Variants in FBLN1 observed in about 807,000 individuals in gnomAD.
FBLN1 encodes the protein fibulin-1.
A neutral mutation model predicts 89.7 loss-of-function variants in FBLN1; 34 were observed. The observed-to-expected ratio is 0.38, with a 90% CI of 0.29 to 0.50. FBLN1 has a LOEUF of 0.50. Among genes scored for constraint, FBLN1 ranks in the 20% least tolerant of loss-of-function variants. The probability of loss-of-function intolerance (pLI) is 0.92; values close to 1 mark genes in which losing one functional copy is unlikely to be tolerated. For synonymous variants in FBLN1, 393 were observed against 391.3 expected, an observed-to-expected ratio of 1.00 and a Z score of -0.05; for missense variants, 777 against 988.1, an observed-to-expected ratio of 0.79 and a Z score of 2.86.
At chr22:45,508,599 T>G (rs1312099348) in intron 1 of FBLN1, among the ~76,000 whole-genome samples, 1 of 152,102 alleles carries the variant, frequency 6.6e-6, no homozygotes, top group Non-Finnish European at 1.5e-5. Context: ...TCTTTAAGTC[T>G]AGTTCAGGGG....
At position 45,547,186 on chromosome 22, in the gene FBLN1, G is replaced by A; in HGVS notation, c.1423G>A (p.Asp475Asn). Residue 475 changes from aspartate (D) to asparagine (N), a missense_variant, in exon 12 of 17, where the codon GAT becomes AAT. Asp to Asn is a conservative substitution (Grantham distance 23, BLOSUM62 1). Coordinates refer to ENST00000327858, the MANE Select transcript of FBLN1 (RefSeq NM_006486.3). ...GCGAGGCTACCAGCTCAGCGATGTG[G>A]ATGGAGTCACCTGTGAAGGTGCGGA... ...CRRGYQLSDV[D>N]GVTCEDIDEC... The A allele has an allele frequency of 6.2e-7, 1 of 1,614,034 alleles. No individual in the cohort carries two copies. The highest frequency in any genetic ancestry group is 8.5e-7 in the Non-Finnish European group (1 of 1,180,022).
At chr22:45,547,397 T>G (rs1270546533) in intron 12 of FBLN1, among the ~76,000 whole-genome samples, 193 bp downstream of exon 12, 9 of 139,614 alleles carry the variant, frequency 6.4e-5, no homozygotes, top group South Asian at 2.5e-4. Context: ...TTTTTTTTTT[T>G]TTTTTTTTTT....
chr22:45,506,296 C>T (rs2088019984), intron 1 of FBLN1, among the ~76,000 whole-genome samples: 1 of 152,254 alleles, frequency 6.6e-6, no homozygotes, highest in Non-Finnish European at 1.5e-5. Flanking sequence ...CAGCCAGGCG[C>T]TGAGCAGAAG....
At chr22:45,504,438 G>T (rs2087990543) in intron 1 of FBLN1, among the ~76,000 whole-genome samples, 1 of 152,122 alleles carries the variant, frequency 6.6e-6, no homozygotes, top group South Asian at 2.1e-4. Context: ...AAGAGATGGA[G>T]CTTGATGTAA....
At chr22:45,512,103 G>C (rs574353840) in intron 1 of FBLN1, among the ~76,000 whole-genome samples, 1 of 151,860 alleles carries the variant, frequency 6.6e-6, no homozygotes, top group East Asian at 2.0e-4. Flanking sequence ...TGTTCTGCTT[G>C]GGTGGGTGTC....
At chr22:45,521,654 A>G (rs761505852) in intron 2 of FBLN1, among the ~76,000 whole-genome samples, 2 of 152,172 alleles carry the variant, frequency 1.3e-5, no homozygotes, top group African/African-American at 4.8e-5. Context: ...CGGAGCCCAC[A>G]TAAGGGTTCA....
chr22:45,587,858 C>T (rs1010368194), intron 16 of FBLN1, among the ~76,000 whole-genome samples: 18 of 152,284 alleles, frequency 1.2e-4, no homozygotes, highest in Admixed American at 7.8e-4. Context: ...TCTTGGATGC[C>T]GTCCACACGC....
intron 10 of FBLN1, 91 bp downstream of exon 10, chr22:45,542,374 C>A: frequency 6.5e-7 from 1 of 1,527,774 alleles, no homozygotes; most frequent in Non-Finnish European, 9.0e-7. Context: ...GTGGTCTGAT[C>A]CTCATCTCAG....
intron 14 of FBLN1, among the ~76,000 whole-genome samples, chr22:45,553,395 C>T (rs1007460324): frequency 6.6e-5 from 10 of 151,888 alleles, no homozygotes; most frequent in African/African-American, 1.5e-4. Context: ...CAGGGGGGGA[C>T]GGGGCGGGCT....
In FBLN1 at chr22:45,569,205, C is replaced by CA. The variant is rs200737304; in HGVS notation, c.1698-5306_1698-5305insA. On this transcript the variant is annotated intron_variant, in intron 14 of 16. Coordinates refer to ENST00000327858, the MANE Select transcript of FBLN1 (RefSeq NM_006486.3). Reference sequence around the variant, plus strand: ...TGTTAGGGGCTGAATTGTGTCCCCCCCCAAATTCATATGTTGAATTCCTAA... The same window carrying CA: ...TGTTAGGGGCTGAATTGTGTCCCCCCACCAAATTCATATGTTGAATTCCTAA... Among the ~76,000 whole-genome samples the CA allele has an allele frequency of 3.6e-3, 541 of 152,260 alleles. 5 individuals are homozygous for CA. Among genetic ancestry groups the CA allele is most frequent in the African/African-American group, 0.012 (502 of 41,524 alleles).
In FBLN1 at chr22:45,590,279, C is replaced by T. The variant is rs1331672046; in HGVS notation, c.1973-10028C>T. Among the ~76,000 whole-genome samples the T allele has an allele frequency of 6.6e-6, 1 of 152,254 alleles. No homozygotes were observed. The highest frequency in any genetic ancestry group is 1.5e-5 in the Non-Finnish European group (1 of 68,052). On this transcript the variant is annotated intron_variant, in intron 16 of 16. Transcript: ENST00000327858. The surrounding 1 kb of genome is among the most constrained non-coding windows in gnomAD (Gnocchi z 4.1). ...CATCTGTAGAAAGAGGCAGAGTAGC[C>T]TTCACTCCGGAAGGCAGAGGGCAGG...
chr22:45,600,944 C>A lies in FBLN1; in HGVS notation c.*498C>A. On this transcript the variant is annotated 3_prime_UTR_variant, in exon 17 of 17. Transcript: ENST00000327858. ...CCCCAGAAGCAGCATGACAGAATGC[C>A]TCGGGGAGCACTTGGAAGGGAAATT... 1 of 186,356 alleles carries A rather than the reference C, an allele frequency of 5.4e-6. No homozygotes were observed. 11.5% of individuals were successfully genotyped at this position (186,356 alleles called of 1,614,324 possible).
Position 45,577,408 on chromosome 22 carries a change from C to A in FBLN1, c.1972+300C>A, listed in dbSNP as rs2089007103. On this transcript the variant is annotated intron_variant, in intron 16 of 16. Coordinates refer to ENST00000327858, the MANE Select transcript of FBLN1 (RefSeq NM_006486.3). This position sits in a 1 kb window ranked among gnomAD's most constrained non-coding sequence, Gnocchi z 6.6. ...GGGTTCCAGAGAGCGCTGCGCCTCA[C>A]AACCATGAATTTCAAATGATACCAC... Among the ~76,000 whole-genome samples, 1 of 152,238 alleles carries A rather than the reference C, an allele frequency of 6.6e-6. No homozygotes were observed. Among genetic ancestry groups the A allele is most frequent in the Admixed American group, 6.5e-5 (1 of 15,292 alleles).
In FBLN1 at chr22:45,557,119, G is replaced by A. The variant is rs1417979260; in HGVS notation, c.1697+6504G>A. 6.6e-6 allele frequency among the ~76,000 whole-genome samples: 1 copy of A among 152,164 alleles called. No individual in the cohort carries two copies. Among genetic ancestry groups the A allele is most frequent in the African/African-American group, 2.4e-5 (1 of 41,416 alleles). On this transcript the variant is annotated intron_variant, in intron 14 of 16. Coordinates refer to ENST00000327858, the MANE Select transcript of FBLN1 (RefSeq NM_006486.3). The surrounding 1 kb of genome is among the most constrained non-coding windows in gnomAD (Gnocchi z 4.9). Reference sequence around the variant, plus strand: ...AATCTACCTGCTTCACGACGATGGGGAACATGGTAAAACCAGTGAATTCCA... The same window carrying A: ...AATCTACCTGCTTCACGACGATGGGAAACATGGTAAAACCAGTGAATTCCA...
At chr22:45,571,795 C>T (rs2088955314) in intron 14 of FBLN1, among the ~76,000 whole-genome samples, 1 of 152,140 alleles carries the variant, frequency 6.6e-6, no homozygotes, top group African/African-American at 2.4e-5. Flanking sequence ...CACTGAGCCT[C>T]CCTAGTATCC....
At chr22:45,598,753 G>A (rs1270072732) in intron 16 of FBLN1, among the ~76,000 whole-genome samples, 1 of 152,232 alleles carries the variant, frequency 6.6e-6, no homozygotes, top group African/African-American at 2.4e-5. Context: ...ATGCGAAGGG[G>A]ATCTGCTGAG....
intron 1 of FBLN1, among the ~76,000 whole-genome samples, chr22:45,512,840 C>T (rs969475423): frequency 1.3e-5 from 2 of 152,188 alleles, no homozygotes; most frequent in African/African-American, 4.8e-5. Context: ...CCACTGCAAG[C>T]TTGAACTCCT....
Position 45,532,186 on chromosome 22 carries a change from T to G in FBLN1, c.544+862T>G, listed in dbSNP as rs6007081. 0.092 allele frequency among the ~76,000 whole-genome samples: 13,975 copies of G among 152,022 alleles called. 2,151 individuals carry two copies. The highest frequency in any genetic ancestry group is 0.32 in the African/African-American group (13,161 of 41,398). On this transcript the variant is annotated intron_variant, in intron 5 of 16. Coordinates refer to ENST00000327858, the MANE Select transcript of FBLN1 (RefSeq NM_006486.3). The surrounding 1 kb of genome is among the most constrained non-coding windows in gnomAD (Gnocchi z 4.2). ...ACAGTGACAGTTGGTCCAGGGGCGCTGTCCAGGGGCCTGGTGGAGGGAGGA... is the reference window on the plus strand; with the variant it reads ...ACAGTGACAGTTGGTCCAGGGGCGCGGTCCAGGGGCCTGGTGGAGGGAGGA...
At chr22:45,508,188 G>A (rs758714024) in intron 1 of FBLN1, among the ~76,000 whole-genome samples, 17 of 152,156 alleles carry the variant, frequency 1.1e-4, no homozygotes, top group Non-Finnish European at 1.8e-4. Flanking sequence ...GCAAGACTGT[G>A]GGTGCATAGC....
Sources: allele counts gnomAD v4.1 joint callset (sites outside exome capture counted in the v4.1 genomes callset), GRCh38; gene constraint gnomAD v4.1.1; non-coding constraint Gnocchi (gnomAD v3.1); transcripts MANE v1.5; gene names NCBI Gene and HGNC (gene_info 2026-07-23, HGNC 2026-07-21).